The following ASB2 variants were observed in gnomAD, a reference collection of about 807,000 sequenced individuals.
ASB2 encodes the protein ankyrin repeat and SOCS box containing 2.
ASB2 carries 58 observed loss-of-function variants against 62.4 expected under a neutral mutation model. The observed-to-expected ratio is 0.93, with a 90% CI of 0.75 to 1.16. The LOEUF (loss-of-function observed/expected upper bound fraction) is 1.16, where lower values mean the gene tolerates loss of function less well. ASB2 is among the 50% of genes most tolerant of loss of function. The pLI, the probability that ASB2 is intolerant of heterozygous loss-of-function variation, is 0.00. For synonymous variants in ASB2, 386 were observed against 385.3 expected (o/e 1.00, Z -0.02); for missense variants, 928 against 887.9 (o/e 1.05, Z -0.57).
At chr14:93,975,958 A>AT (rs1388825845) in intron 1 of ASB2, among the ~76,000 whole-genome samples, 2 of 152,224 alleles carry the variant, frequency 1.3e-5, no homozygotes, top group Non-Finnish European at 2.9e-5. Context: ...AGCAGAGCAC[A>AT]TGGCACCTTG....
Position 93,947,184 on chromosome 14 carries a change from G to A in ASB2, c.1052+165C>T, listed in dbSNP as rs367900490. On this transcript the variant is annotated intron_variant, in intron 7 of 9. Transcript: ENST00000555019. ...TTCACTCCATGTTGCTAACTGCTAA[G>A]GGGTTTCCCTCCTTTCCATGGGAAA... Among the ~76,000 whole-genome samples the A allele has an allele frequency of 3.9e-5, 6 of 152,356 alleles. No individual in the cohort carries two copies. The East Asian group carries it at 1.2e-3, about 29-fold the overall frequency.
In ASB2 at chr14:93,956,833, G is replaced by C. The variant is rs987294578; in HGVS notation, c.244C>G (p.Pro82Ala). 1.9e-6 allele frequency: 3 copies of C among 1,614,220 alleles called. No individual in the cohort carries two copies. The highest frequency in any genetic ancestry group is 2.5e-6 in the Non-Finnish European group (3 of 1,180,024). The change falls in exon 3 of 10, where the codon CCA becomes GCA. Residue 82 changes from proline to alanine, a missense_variant. Pro to Ala is a conservative substitution (Grantham distance 27). Coordinates refer to ENST00000555019, the MANE Select transcript of ASB2 (RefSeq NM_001202429.2). Reference sequence around the variant, plus strand: ...ATGACCCCTTGGAACAAGCCCATTGGGGCCCGGGCCGGCGAACTCTCAGGA... The same window carrying C: ...ATGACCCCTTGGAACAAGCCCATTGCGGCCCGGGCCGGCGAACTCTCAGGA... The part of the protein sequence containing the change: ...APPESSPARA[P>A]MGLFQGVMQK...
At chr14:93,948,405 A>G (rs1355907568) in intron 6 of ASB2, 2 of 153,512 alleles carry the variant, frequency 1.3e-5, no homozygotes, top group African/African-American at 2.4e-5. Context: ...AGGAGGGCAC[A>G]GAGCCCCTAA....
At chr14:93,963,402 G>A (rs1056481787) in intron 2 of ASB2, among the ~76,000 whole-genome samples, 8 of 150,764 alleles carry the variant, frequency 5.3e-5, no homozygotes, top group African/African-American at 1.5e-4. Context: ...GGGGACGGGG[G>A]TGAGGAGCAA....
At chr14:93,964,240 G>C (rs1889506756) in intron 2 of ASB2, 94 bp downstream of exon 2, 1 of 1,133,480 alleles carries the variant, frequency 8.8e-7, no homozygotes, top group Non-Finnish European at 1.3e-6. Flanking sequence ...CTAGAGACCA[G>C]GATACCGTGG....
At chr14:93,961,185 C>T (rs1456598012) in intron 2 of ASB2, among the ~76,000 whole-genome samples, 1 of 152,148 alleles carries the variant, frequency 6.6e-6, no homozygotes, top group Non-Finnish European at 1.5e-5. Context: ...CCCACCTCAT[C>T]TTATTTGCTT....
At chr14:93,936,682 G>C (rs1888282414) in intron 9 of ASB2, among the ~76,000 whole-genome samples, 1 of 152,220 alleles carries the variant, frequency 6.6e-6, no homozygotes, top group Admixed American at 6.5e-5. Context: ...GGATCAAGGA[G>C]GAATGTGGTG....
intron 2 of ASB2, among the ~76,000 whole-genome samples, chr14:93,959,903 G>A (rs773642426): frequency 6.6e-6 from 1 of 151,860 alleles, no homozygotes; most frequent in Non-Finnish European, 1.5e-5. Context: ...ATAGAGGAGG[G>A]AGCTAACAAA....
chr14:93,968,664 C>A (rs914575123), intron 1 of ASB2, among the ~76,000 whole-genome samples: 1 of 152,170 alleles, frequency 6.6e-6, no homozygotes, highest in African/African-American at 2.4e-5. Flanking sequence ...TTGCCTGCTG[C>A]ATGGAGGGTA....
In ASB2 at chr14:93,947,269, G is replaced by T. The variant is rs911060091; in HGVS notation, c.1052+80C>A. The T allele has an allele frequency of 2.7e-6, 4 of 1,484,160 alleles. No individual in the cohort carries two copies. The Admixed American group carries it at 5.1e-5, about 19-fold the overall frequency. The allele number at this position is 1,484,160 out of a possible 1,614,324, so 91.9% of individuals were successfully genotyped here. ...TAATCCTGTGGGTGGGACATTCAGG[G>T]CAGGCCCACCCCTCCAATCCCCTAC... On this transcript the variant is annotated intron_variant, in intron 7 of 9. Coordinates refer to ENST00000555019, the MANE Select transcript of ASB2 (RefSeq NM_001202429.2).
At chr14:93,956,725 G>A in intron 3 of ASB2, 41 bp downstream of exon 3, 1 of 1,612,272 alleles carries the variant, frequency 6.2e-7, no homozygotes, top group Non-Finnish European at 8.5e-7. Context: ...AGTTAGCGGA[G>A]TGAACTTGGA....
chr14:93,964,589 G>A lies in ASB2; in HGVS notation c.-50C>T. 2 of 1,506,776 alleles carry A rather than the reference G, an allele frequency of 1.3e-6. No homozygotes were observed. Among genetic ancestry groups the A allele is most frequent in the Non-Finnish European group, 1.8e-6 (2 of 1,120,704 alleles). 93.3% of individuals were successfully genotyped at this position (1,506,776 alleles called of 1,614,324 possible). On this transcript the variant is annotated 5_prime_UTR_variant, in exon 2 of 10. Coordinates refer to ENST00000555019, the MANE Select transcript of ASB2 (RefSeq NM_001202429.2). ...TCCAGAACAGACACCCAGTGGGGAG[G>A]AGGGAACAGCAAATCAGAAAACCCT...
chr14:93,959,829 C>G (rs1889347346), intron 2 of ASB2, among the ~76,000 whole-genome samples: 1 of 152,062 alleles, frequency 6.6e-6, no homozygotes, highest in Non-Finnish European at 1.5e-5. Context: ...AAGCCCAGGT[C>G]AGCCCCAGGG....
At position 93,934,778 on chromosome 14, in the gene ASB2, G is replaced by C. The variant is rs752512671; in HGVS notation, c.1786C>G (p.Leu596Val). 2.5e-6 allele frequency: 4 copies of C among 1,613,292 alleles called. No homozygotes were observed. The Admixed American group carries it at 6.7e-5, about 27-fold the overall frequency. Residue 596 changes from leucine (L) to valine (V), a missense_variant, in exon 10 of 10, where the codon CTG becomes GTG. Physicochemically the swap from Leu to Val is conservative, Grantham distance 32 (BLOSUM62 1). Coordinates refer to ENST00000555019, the MANE Select transcript of ASB2 (RefSeq NM_001202429.2). The part of the protein sequence containing the change: ...IKEKAEPPRP[L>V]AHLCRLRVRK... ...ACCCGCAGTCGGCAAAGGTGAGCCA[G>C]AGGTCTTGGAGGTTCTGAAAAAAGG...
intron 7 of ASB2, among the ~76,000 whole-genome samples, 154 bp downstream of exon 7, chr14:93,947,195 C>T (rs977751759): frequency 6.6e-6 from 1 of 152,230 alleles, no homozygotes; most frequent in African/African-American, 2.4e-5. Context: ...GGGTTTCCCT[C>T]CTTTCCATGG....
chr14:93,961,131 CG>C (rs1363097331), intron 2 of ASB2, among the ~76,000 whole-genome samples: 6 of 152,062 alleles, frequency 3.9e-5, no homozygotes, highest in Non-Finnish European at 4.4e-5. Flanking sequence ...CAGACAGGGC[CG>C]GGGAGGTCAA....
intron 7 of ASB2, chr14:93,943,809 ATTAAC>A: frequency 2.6e-6 from 1 of 384,844 alleles, no homozygotes; most frequent in Non-Finnish European, 5.1e-6. Flanking sequence ...TAATGGGGAT[ATTAAC>A]TTGCTTGTCA....
chr14:93,939,868 G>GTC (rs138388957), intron 7 of ASB2, 196 bp from the exon 8 acceptor site: 6,853 of 467,526 alleles, frequency 0.015, 349 homozygotes, highest in African/African-American at 0.12. Context: ...GTCGGCTGCC[G>GTC]TCTCCGCTTT....
At chr14:93,934,877 G>A (rs1382669136) in intron 9 of ASB2, 85 bp from the exon 10 acceptor site, 1 of 1,159,350 alleles carries the variant, frequency 8.6e-7, no homozygotes, top group Admixed American at 1.7e-5. Flanking sequence ...CCTATGGGAG[G>A]TGCCCAGCTG....
Sources: allele counts gnomAD v4.1 joint callset (sites outside exome capture counted in the v4.1 genomes callset), GRCh38; gene constraint gnomAD v4.1.1; transcripts MANE v1.5; gene names NCBI Gene and HGNC (gene_info 2026-07-23, HGNC 2026-07-21).